The following ANO10 variants were observed in gnomAD, a reference collection of about 807,000 sequenced individuals.
The protein encoded by ANO10 is anoctamin 10.
ANO10 carries 77 observed loss-of-function variants against 74.7 expected under a neutral mutation model. That is an observed-to-expected ratio of 1.03 (90% CI 0.86 to 1.25). The LOEUF (loss-of-function observed/expected upper bound fraction) is 1.25. Ranked by LOEUF, ANO10 falls within the 50% of genes most tolerant of loss-of-function variation. The pLI is 0.00. For missense variants in ANO10, 721 were observed against 778.1 expected (o/e 0.93, Z 0.87); for synonymous variants, 279 against 284.9 (o/e 0.98, Z 0.21).
chr3:43,590,682 A>C lies in ANO10; in HGVS notation c.472+7850T>G, dbSNP rs1186828833. Among the ~76,000 whole-genome samples the C allele has an allele frequency of 2.0e-5, 3 of 152,216 alleles. No individual in the cohort carries two copies. The East Asian group carries it at 5.8e-4, about 29-fold the overall frequency. On this transcript the variant is annotated intron_variant, in intron 4 of 12. Transcript: ENST00000292246. Reference sequence around the variant, plus strand: ...GAGAAACTATTCTATATTAAAAGAGACAGACATAACCAAACAACATGGGTT... The same window carrying C: ...GAGAAACTATTCTATATTAAAAGAGCCAGACATAACCAAACAACATGGGTT...
intron 12 of ANO10, among the ~76,000 whole-genome samples, chr3:43,387,042 CTG>C: frequency 6.6e-6 from 1 of 152,178 alleles, no homozygotes; most frequent in Non-Finnish European, 1.5e-5. Flanking sequence ...GTTCTGAGAA[CTG>C]TATTGTCAGG....
At chr3:43,547,003 T>C (rs2079223453) in intron 11 of ANO10, among the ~76,000 whole-genome samples, 1 of 152,014 alleles carries the variant, frequency 6.6e-6, no homozygotes, top group African/African-American at 2.4e-5. Context: ...ATGATTAAAC[T>C]TTCAAAAATT....
intron 11 of ANO10, among the ~76,000 whole-genome samples, chr3:43,494,709 C>A (rs539196934): frequency 4.0e-5 from 6 of 151,726 alleles, no homozygotes; most frequent in African/African-American, 1.5e-4. Flanking sequence ...GAATTACCAA[C>A]GAAAAACAAG....
chr3:43,535,094 C>G (rs1311180739), intron 11 of ANO10, among the ~76,000 whole-genome samples: 3 of 151,878 alleles, frequency 2.0e-5, no homozygotes, highest in South Asian at 2.1e-4. Context: ...GTGCCTCAGC[C>G]TCTAGAGTAG....
At chr3:43,615,297 G>T (rs895082813) in intron 1 of ANO10, among the ~76,000 whole-genome samples, 3 of 152,172 alleles carry the variant, frequency 2.0e-5, no homozygotes, top group Admixed American at 6.5e-5. Flanking sequence ...GGGGAGCTGG[G>T]ACTCACAACC....
intron 1 of ANO10, among the ~76,000 whole-genome samples, chr3:43,667,079 T>TG: frequency 7.5e-6 from 1 of 132,850 alleles, no homozygotes; most frequent in Non-Finnish European, 1.6e-5. Flanking sequence ...CATGTTTTTT[T>TG]TTTTTTTTTT....
At chr3:43,483,646 T>C (rs2076354938) in intron 11 of ANO10, among the ~76,000 whole-genome samples, 1 of 152,228 alleles carries the variant, frequency 6.6e-6, no homozygotes, top group Non-Finnish European at 1.5e-5. Context: ...TGAGTGACCA[T>C]GGCCCAGTGT....
chr3:43,529,039 A>G (rs1258581489), intron 11 of ANO10, among the ~76,000 whole-genome samples: 3 of 152,182 alleles, frequency 2.0e-5, no homozygotes, highest in Non-Finnish European at 4.4e-5. Context: ...CTGAAACCAC[A>G]TTTGAAAGGG....
intron 12 of ANO10, among the ~76,000 whole-genome samples, chr3:43,393,288 G>A (rs766523323): frequency 6.6e-6 from 1 of 152,194 alleles, no homozygotes; most frequent in Non-Finnish European, 1.5e-5. Context: ...TCACCCCAGA[G>A]CATGGCTCTG....
At chr3:43,425,363 G>C (rs192625204) in intron 12 of ANO10, among the ~76,000 whole-genome samples, 2 of 151,456 alleles carry the variant, frequency 1.3e-5, no homozygotes, top group Admixed American at 6.6e-5. Context: ...CAAATGGAGC[G>C]GGGGGAAGAA....
chr3:43,610,290 A>G (rs921413561), intron 1 of ANO10, among the ~76,000 whole-genome samples: 7 of 152,156 alleles, frequency 4.6e-5, no homozygotes, highest in Admixed American at 3.3e-4. Context: ...GTCATCTCCT[A>G]TAACAATGCC....
At chr3:43,629,684 T>C (rs2083527197) in intron 1 of ANO10, among the ~76,000 whole-genome samples, 1 of 152,200 alleles carries the variant, frequency 6.6e-6, no homozygotes, top group Non-Finnish European at 1.5e-5. Flanking sequence ...CAGGAATTGA[T>C]GACATATGAG....
chr3:43,571,329 T>C (rs927841234), intron 7 of ANO10, among the ~76,000 whole-genome samples: 4 of 152,130 alleles, frequency 2.6e-5, no homozygotes, highest in African/African-American at 9.7e-5. Context: ...GCCATCCCAT[T>C]ACTGAGTATA....
chr3:43,628,557 A>G (rs554039157), intron 1 of ANO10, among the ~76,000 whole-genome samples: 1 of 152,350 alleles, frequency 6.6e-6, no homozygotes, highest in Admixed American at 6.5e-5. Flanking sequence ...AACAAGAGAG[A>G]TAACCTTAAA....
chr3:43,539,296 G>A (rs1471509841), intron 11 of ANO10, among the ~76,000 whole-genome samples: 1 of 151,980 alleles, frequency 6.6e-6, no homozygotes, highest in African/African-American at 2.4e-5. Context: ...TTTCTTATGT[G>A]TTGCAAGTCT....
In ANO10 at chr3:43,553,168, A is replaced by G. The variant is rs147929830; in HGVS notation, c.1668+2110T>C. Among the ~76,000 whole-genome samples the G allele has an allele frequency of 6.9e-4, 105 of 152,276 alleles. No individual in the cohort carries two copies. The East Asian group carries it at 0.017, about 25-fold the overall frequency. ...TTTCTTCTGGCCTCCATAGCTTCCA[A>G]TAAGAAATTGCCTGTCATTCTAATT... On this transcript the variant is annotated intron_variant, in intron 10 of 12. Transcript: ENST00000292246.
At chr3:43,541,638 T>C (rs558736229) in intron 11 of ANO10, among the ~76,000 whole-genome samples, 1 of 152,300 alleles carries the variant, frequency 6.6e-6, no homozygotes, top group South Asian at 2.1e-4. Flanking sequence ...TATATATGAC[T>C]CATTCATTAA....
At chr3:43,493,409 A>G (rs2076801941) in intron 11 of ANO10, among the ~76,000 whole-genome samples, 1 of 152,162 alleles carries the variant, frequency 6.6e-6, no homozygotes, top group Non-Finnish European at 1.5e-5. Context: ...AACTTAAAGT[A>G]TAATTTAAAA....
chr3:43,551,000 T>C (rs1274679325), intron 10 of ANO10, among the ~76,000 whole-genome samples: 2 of 152,324 alleles, frequency 1.3e-5, no homozygotes, highest in East Asian at 3.9e-4. Flanking sequence ...CTTGCTTTAG[T>C]CATTTAAAGT....
Sources: gnomAD v4.1 joint callset for allele counts (sites outside exome capture counted in the v4.1 genomes callset) on GRCh38, gnomAD v4.1.1 for gene constraint, MANE v1.5 for transcripts, NCBI Gene and HGNC (gene_info 2026-07-23, HGNC 2026-07-21) for gene names.